The following ROBO1 variants were observed in gnomAD, a reference collection of about 807,000 sequenced individuals.
The protein encoded by ROBO1 is roundabout homolog 1.
A neutral mutation model predicts 195.9 loss-of-function variants in ROBO1; 149 were observed. That is an observed-to-expected ratio of 0.76 (90% CI 0.67 to 0.87). ROBO1 has a LOEUF of 0.87. Ranked by LOEUF, ROBO1 falls within the 40% of genes least tolerant of loss-of-function variation. The pLI is 0.00. For missense variants in ROBO1, 1,933 were observed against 2,068.3 expected, an observed-to-expected ratio of 0.93 and a Z score of 1.27; for synonymous variants, 816 against 733.2, an observed-to-expected ratio of 1.11 and a Z score of -1.82.
At chr3:78,700,433 G>A (rs2081393793) in intron 8 of ROBO1, among the ~76,000 whole-genome samples, 2 of 152,180 alleles carry the variant, frequency 1.3e-5, no homozygotes, top group Non-Finnish European at 2.9e-5. Context: ...AGGGTCCAGA[G>A]TTAAGGTACA....
At chr3:78,670,615 A>G (rs1045392610) in intron 10 of ROBO1, 8 of 218,294 alleles carry the variant, frequency 3.7e-5, no homozygotes, top group Non-Finnish European at 6.3e-5. Context: ...ATCATGGAAT[A>G]CTGTACTTTT....
chr3:78,900,581 A>G (rs2037523006), intron 4 of ROBO1, among the ~76,000 whole-genome samples: 1 of 152,198 alleles, frequency 6.6e-6, no homozygotes, highest in Non-Finnish European at 1.5e-5. Context: ...ATTTAGCTAC[A>G]TAAACACAGC....
chr3:79,672,788 T>G (rs1946668328), intron 1 of ROBO1, among the ~76,000 whole-genome samples: 1 of 151,962 alleles, frequency 6.6e-6, no homozygotes, highest in Admixed American at 6.6e-5. Context: ...TTTCTGATAC[T>G]TGAATGTAAT....
chr3:79,022,147 C>T (rs1398427491), intron 3 of ROBO1, among the ~76,000 whole-genome samples: 2 of 152,112 alleles, frequency 1.3e-5, no homozygotes, highest in African/African-American at 4.8e-5. Context: ...AAGACAAGAA[C>T]GTGTATTCAG....
rs1419729320 is a variant in ROBO1, at chr3:79,691,683, T to C, written c.-51+76069A>G. Among the ~76,000 whole-genome samples the C allele has an allele frequency of 2.0e-5, 3 of 152,048 alleles. No homozygotes were observed. The South Asian group carries it at 6.2e-4, about 31-fold the overall frequency. On this transcript the variant is annotated intron_variant, in intron 1 of 30. Transcript: ENST00000464233. ...TTTTTTATTTCTTATGTTAACCAGC[T>C]TCTTGCTAATTTTATCAGCATAAGC...
intron 4 of ROBO1, among the ~76,000 whole-genome samples, chr3:78,838,982 T>C (rs756853519): frequency 1.1e-4 from 17 of 152,334 alleles, no homozygotes; most frequent in Non-Finnish European, 1.9e-4. Flanking sequence ...TTTCAACTAT[T>C]TTTAACTATT....
At chr3:78,837,875 A>G (rs1455273988) in intron 4 of ROBO1, among the ~76,000 whole-genome samples, 1 of 152,190 alleles carries the variant, frequency 6.6e-6, no homozygotes, top group East Asian at 1.9e-4. Context: ...TAGATGGGAA[A>G]ATACATGCCA....
intron 2 of ROBO1, among the ~76,000 whole-genome samples, chr3:79,140,052 A>T (rs2080492185): frequency 6.6e-6 from 1 of 152,160 alleles, no homozygotes; most frequent in African/African-American, 2.4e-5. Flanking sequence ...GAAGAAATAG[A>T]ATCCCTTTTG....
intron 1 of ROBO1, among the ~76,000 whole-genome samples, chr3:79,685,442 T>G (rs1947074660): frequency 6.6e-6 from 1 of 152,194 alleles, no homozygotes; most frequent in African/African-American, 2.4e-5. Context: ...GCTTTTGCTT[T>G]TAAGTGTTTT....
chr3:79,604,991 C>G (rs145881479), intron 1 of ROBO1, among the ~76,000 whole-genome samples: 2 of 151,962 alleles, frequency 1.3e-5, no homozygotes, highest in African/African-American at 4.8e-5. Flanking sequence ...GTTGTCTCTA[C>G]TCACTTTTTC....
In ROBO1 at chr3:78,602,683, T is replaced by A. The variant is rs1703246933; in HGVS notation, c.4745-2374A>T. Among the ~76,000 whole-genome samples, 5 of 152,294 alleles carry A rather than the reference T, an allele frequency of 3.3e-5. No individual in the cohort carries two copies. In the South Asian group the frequency reaches 1.0e-3, roughly 32 times the overall value. ...TCATTAATACATTGTTTTACATTAT[T>A]TTCATCATGCTGAATCATTAATTTA... On this transcript the variant is annotated intron_variant, in intron 29 of 30. Transcript: ENST00000464233.
At chr3:79,659,241 T>C (rs926828249) in intron 1 of ROBO1, among the ~76,000 whole-genome samples, 6 of 152,050 alleles carry the variant, frequency 3.9e-5, no homozygotes, top group African/African-American at 1.4e-4. Context: ...ATTATTGAGA[T>C]TTCAATAGTA....
intron 8 of ROBO1, among the ~76,000 whole-genome samples, chr3:78,706,029 A>G: frequency 7.1e-6 from 1 of 139,864 alleles, no homozygotes; most frequent in East Asian, 2.1e-4. Flanking sequence ...AGACTAACAA[A>G]GCAAAGTCAG....
chr3:79,152,102 T>A (rs2108641145), intron 2 of ROBO1, among the ~76,000 whole-genome samples: 1 of 151,946 alleles, frequency 6.6e-6, no homozygotes, highest in Middle Eastern at 3.4e-3. Flanking sequence ...ATTAAAAAAA[T>A]TCCGATTATC....
chr3:79,375,864 C>T (rs960755787), intron 2 of ROBO1, among the ~76,000 whole-genome samples: 2 of 152,116 alleles, frequency 1.3e-5, no homozygotes, highest in Non-Finnish European at 2.9e-5. Flanking sequence ...CAACAAAAGG[C>T]TTGAGTTTAA....
chr3:78,990,925 G>A (rs569284786), intron 3 of ROBO1, among the ~76,000 whole-genome samples: 14 of 152,272 alleles, frequency 9.2e-5, no homozygotes, highest in African/African-American at 2.4e-5. Flanking sequence ...TACACATACA[G>A]TTAAAATAAG....
chr3:79,395,504 A>C (rs1349488094), intron 2 of ROBO1, among the ~76,000 whole-genome samples: 1 of 152,010 alleles, frequency 6.6e-6, no homozygotes, highest in Non-Finnish European at 1.5e-5. Context: ...AAATTTCTGA[A>C]AAATATTTAC....
intron 2 of ROBO1, among the ~76,000 whole-genome samples, chr3:79,510,662 A>C (rs1940656700): frequency 6.6e-6 from 1 of 151,856 alleles, no homozygotes; most frequent in Non-Finnish European, 1.5e-5. Flanking sequence ...CTAGGGAAAA[A>C]TTATCTACAC....
chr3:79,507,624 G>T (rs1940472019), intron 2 of ROBO1, among the ~76,000 whole-genome samples: 1 of 152,082 alleles, frequency 6.6e-6, no homozygotes, highest in South Asian at 2.1e-4. Context: ...TTCTAATTTT[G>T]CAAGTCTGTG....
Sources: allele counts gnomAD v4.1 joint callset (sites outside exome capture counted in the v4.1 genomes callset), GRCh38; gene constraint gnomAD v4.1.1; transcripts MANE v1.5; gene names NCBI Gene and HGNC (gene_info 2026-07-23, HGNC 2026-07-21).